The following SUSD4 variants were observed in gnomAD, a reference collection of about 807,000 sequenced individuals.
SUSD4 encodes sushi domain-containing protein 4.
A neutral mutation model predicts 50.5 loss-of-function variants in SUSD4; 41 were observed. The observed-to-expected ratio is 0.81, with a 90% CI of 0.63 to 1.05. The LOEUF is 1.05. Ranked by LOEUF, SUSD4 falls within the 50% of genes least tolerant of loss-of-function variation. The pLI is 0.00. For synonymous variants in SUSD4, 257 were observed against 257.3 expected, an observed-to-expected ratio of 1.00 and a Z score of 0.01; for missense variants, 580 against 634.7, an observed-to-expected ratio of 0.91 and a Z score of 0.93.
chr1:223,223,664 A>G, intron 7 of SUSD4, 33 bp from the exon 8 acceptor site: 2 of 1,560,132 alleles, frequency 1.3e-6, no homozygotes, highest in East Asian at 2.3e-5. Flanking sequence ...AACATGTGAG[A>G]GCCATGCCAC....
chr1:223,329,378 C>T (rs1181446720), intron 2 of SUSD4, among the ~76,000 whole-genome samples: 2 of 152,220 alleles, frequency 1.3e-5, no homozygotes, highest in East Asian at 1.9e-4. Flanking sequence ...TCCAAAAACA[C>T]TTTTGCCTGA....
chr1:223,350,314 A>C (rs2103325936), intron 2 of SUSD4, among the ~76,000 whole-genome samples: 1 of 152,358 alleles, frequency 6.6e-6, no homozygotes, highest in African/African-American at 2.4e-5. Context: ...AACATAGTTA[A>C]GCGCTCAATA....
At chr1:223,305,164 G>A (rs1665457868) in intron 2 of SUSD4, among the ~76,000 whole-genome samples, 1 of 152,046 alleles carries the variant, frequency 6.6e-6, no homozygotes. Context: ...CAGGCTTGCA[G>A]GGGAAATCTA....
intron 2 of SUSD4, among the ~76,000 whole-genome samples, chr1:223,321,928 G>A (rs1320902669): frequency 6.6e-6 from 1 of 152,158 alleles, no homozygotes; most frequent in East Asian, 1.9e-4. Context: ...GACCAGAAGT[G>A]TTTCAGACTT....
intron 4 of SUSD4, among the ~76,000 whole-genome samples, chr1:223,267,173 T>C (rs996645039): frequency 1.1e-4 from 16 of 152,176 alleles, no homozygotes; most frequent in Admixed American, 7.9e-4. Context: ...CAGGAAAGCC[T>C]GGGTCTAAAG....
intron 3 of SUSD4, among the ~76,000 whole-genome samples, chr1:223,279,917 G>C (rs889351358): frequency 1.3e-5 from 2 of 152,224 alleles, no homozygotes; most frequent in African/African-American, 4.8e-5. Flanking sequence ...CCAGAAGAGA[G>C]TGGGGGCCAA....
intron 2 of SUSD4, among the ~76,000 whole-genome samples, chr1:223,348,616 T>A (rs760976076): frequency 6.6e-5 from 10 of 152,122 alleles, no homozygotes; most frequent in Non-Finnish European, 1.2e-4. Flanking sequence ...TGCCTACCAG[T>A]CCAAATAGAG....
chr1:223,320,671 C>A (rs111311443), intron 2 of SUSD4, among the ~76,000 whole-genome samples: 1 of 152,208 alleles, frequency 6.6e-6, no homozygotes, highest in African/African-American at 2.4e-5. Flanking sequence ...CAGTACCCTG[C>A]AGCTCACACA....
At chr1:223,305,572 G>A (rs955038485) in intron 2 of SUSD4, among the ~76,000 whole-genome samples, 18 of 152,194 alleles carry the variant, frequency 1.2e-4, no homozygotes, top group African/African-American at 3.6e-4. Context: ...ATATATTTAA[G>A]AGGTGGGAGG....
intron 3 of SUSD4, among the ~76,000 whole-genome samples, chr1:223,276,152 T>G (rs986125551): frequency 1.3e-5 from 2 of 152,250 alleles, no homozygotes; most frequent in African/African-American, 4.8e-5. Flanking sequence ...TCTGGATAGT[T>G]TCAGTTGCAA....
intron 5 of SUSD4, among the ~76,000 whole-genome samples, chr1:223,262,606 C>T (rs1571913659): frequency 6.6e-6 from 1 of 152,136 alleles, no homozygotes; most frequent in Non-Finnish European, 1.5e-5. Flanking sequence ...CTTAGTTTAA[C>T]CCACTGCTTA....
At chr1:223,246,217 G>T (rs770229823) in intron 5 of SUSD4, among the ~76,000 whole-genome samples, 1 of 152,152 alleles carries the variant, frequency 6.6e-6, no homozygotes, top group African/African-American at 2.4e-5. Context: ...GCCGCGAGGG[G>T]AGACTGTCCC....
chr1:223,324,284 C>T (rs1215918190), intron 2 of SUSD4, among the ~76,000 whole-genome samples: 1 of 151,142 alleles, frequency 6.6e-6, no homozygotes, highest in Non-Finnish European at 1.5e-5. Context: ...AACACAGAAT[C>T]AAAGACATAA....
At chr1:223,356,205 G>C (rs1432191304) in intron 2 of SUSD4, among the ~76,000 whole-genome samples, 1 of 150,916 alleles carries the variant, frequency 6.6e-6, no homozygotes, top group African/African-American at 2.4e-5. Flanking sequence ...TTCTCTCTTA[G>C]GGTAGTACGG....
intron 2 of SUSD4, among the ~76,000 whole-genome samples, chr1:223,325,519 C>T (rs1177255483): frequency 6.6e-6 from 1 of 152,070 alleles, no homozygotes; most frequent in Non-Finnish European, 1.5e-5. Flanking sequence ...CTTTCCCAAG[C>T]AAGAGCAATT....
chr1:223,323,513 G>A (rs765593403), intron 2 of SUSD4, among the ~76,000 whole-genome samples: 6 of 152,124 alleles, frequency 3.9e-5, no homozygotes, highest in Non-Finnish European at 7.4e-5. Flanking sequence ...TAATAGAGCT[G>A]AAGATTGAGG....
chr1:223,260,209 A>G (rs530465253), intron 5 of SUSD4, among the ~76,000 whole-genome samples: 2 of 152,302 alleles, frequency 1.3e-5, no homozygotes, highest in South Asian at 2.1e-4. Context: ...ATTCTCTAGG[A>G]AATGGACTTT....
chr1:223,224,862 C>T (rs1455591628), intron 7 of SUSD4, among the ~76,000 whole-genome samples: 18 of 59,288 alleles, frequency 3.0e-4, no homozygotes, highest in African/African-American at 1.2e-3. Flanking sequence ...TGGTTTCTTC[C>T]TTTTTTTTTT....
intron 2 of SUSD4, among the ~76,000 whole-genome samples, chr1:223,349,131 C>T (rs1668209075): frequency 1.3e-5 from 2 of 152,108 alleles, no homozygotes; most frequent in East Asian, 3.8e-4. Flanking sequence ...CAGCACCAAA[C>T]CTGGACTCAC....
Sources: gnomAD v4.1 joint callset for allele counts (sites outside exome capture counted in the v4.1 genomes callset) on GRCh38, gnomAD v4.1.1 for gene constraint, MANE v1.5 for transcripts, NCBI Gene and HGNC (gene_info 2026-07-23, HGNC 2026-07-21) for gene names.